Variants in SEC24D observed in about 807,000 individuals in gnomAD.
The protein encoded by SEC24D is protein transport protein Sec24D.
SEC24D carries 69 observed loss-of-function variants against 116.9 expected under a neutral mutation model. The ratio of observed to expected loss-of-function variants is 0.59; its 90% CI spans 0.49 to 0.72. SEC24D has a LOEUF of 0.72. SEC24D is among the 30% of genes least tolerant of loss of function. The pLI is 0.00. For missense variants in SEC24D, 1,131 were observed against 1,264.1 expected (o/e 0.89, Z 1.60); for synonymous variants, 405 against 442.8 (o/e 0.91, Z 1.07).
At chr4:118,805,595 A>G (rs1003062074) in intron 7 of SEC24D, among the ~76,000 whole-genome samples, 1 of 152,210 alleles carries the variant, frequency 6.6e-6, no homozygotes, top group Non-Finnish European at 1.5e-5. Context: ...ATAAATTAAA[A>G]TAAATAATTG....
chr4:118,792,131 G>T (rs1045858483), intron 8 of SEC24D, among the ~76,000 whole-genome samples: 1 of 150,874 alleles, frequency 6.6e-6, no homozygotes, highest in Non-Finnish European at 1.5e-5. Context: ...GCCTCTGCCC[G>T]GCCGCGACCC....
intron 2 of SEC24D, among the ~76,000 whole-genome samples, chr4:118,826,767 G>T (rs1182196829): frequency 6.6e-6 from 1 of 151,702 alleles, no homozygotes; most frequent in Non-Finnish European, 1.5e-5. Context: ...TATGCAAGCA[G>T]AACTTTATAC....
chr4:118,770,600 G>A (rs1355841326), intron 8 of SEC24D, among the ~76,000 whole-genome samples: 2 of 152,104 alleles, frequency 1.3e-5, no homozygotes, highest in East Asian at 1.9e-4. Flanking sequence ...AAAGTCCAAA[G>A]GCTGTAACAA....
intron 19 of SEC24D, chr4:118,733,161 C>G: frequency 3.2e-6 from 1 of 316,774 alleles, no homozygotes. Context: ...ACTACCCACT[C>G]ACTGCTTAGG....
In SEC24D at chr4:118,805,887, T is replaced by C; in HGVS notation, c.869A>G (p.Gln290Arg). Residue 290 changes from glutamine to arginine, a missense_variant, in exon 7 of 23, where the codon CAG becomes CGG. Transcript: ENST00000280551. ...GQVYATNTRG[Q>R]IPPLVTTDCM... The stretch of plus-strand genomic sequence containing the variant: ...ATCTGTAGTGACCAGGGGAGGGATC[T>C]GGCCTCTGGTGTTGGTGGCATAAAC... 1 of 1,596,080 alleles carries C rather than the reference T, an allele frequency of 6.3e-7. No individual in the cohort carries two copies.
intron 8 of SEC24D, among the ~76,000 whole-genome samples, chr4:118,770,333 A>AG (rs1255908204): frequency 1.3e-5 from 2 of 152,218 alleles, no homozygotes; most frequent in Non-Finnish European, 1.5e-5. Flanking sequence ...AAAAGCATGC[A>AG]GGTACAAAAA....
chr4:118,755,687 G>A (rs1322243720), intron 11 of SEC24D, among the ~76,000 whole-genome samples: 1 of 152,028 alleles, frequency 6.6e-6, no homozygotes, highest in Non-Finnish European at 1.5e-5. Flanking sequence ...ACTTCAGACT[G>A]TGCTTTTTAA....
chr4:118,731,308 ATACT>A lies in SEC24D; in HGVS notation c.2868+4_2868+7del, dbSNP rs1725672282. Reference sequence around the variant, plus strand: ...TATTACCACAAAAGCAATGAAAATAATACTTACCATATCTGTGTTGATATGTGCA... The same window carrying A: ...TATTACCACAAAAGCAATGAAAATAATACCATATCTGTGTTGATATGTGCA... On this transcript the variant is annotated splice_donor_5th_base_variant and intron_variant, in intron 21 of 22. Transcript: ENST00000280551. The A allele has an allele frequency of 6.2e-7, 1 of 1,606,032 alleles. No homozygotes were observed. The highest frequency in any genetic ancestry group is 8.5e-7 in the Non-Finnish European group (1 of 1,172,590).
At chr4:118,745,082 A>T in intron 13 of SEC24D, 22 bp from the exon 14 acceptor site, 2 of 1,366,364 alleles carry the variant, frequency 1.5e-6, no homozygotes, top group Non-Finnish European at 2.0e-6. Context: ...AAAAAACCCA[A>T]AAACCCACAG....
intron 6 of SEC24D, 81 bp from the exon 7 acceptor site, chr4:118,806,035 C>T: frequency 1.2e-6 from 1 of 823,692 alleles, no homozygotes; most frequent in Admixed American, 2.5e-5. Context: ...CCCTTGCTCT[C>T]TCCTCCCTCC....
intron 9 of SEC24D, chr4:118,766,854 G>A (rs1431364873): frequency 1.3e-5 from 2 of 152,184 alleles, no homozygotes; most frequent in Non-Finnish European, 2.9e-5. Flanking sequence ...TTGTCACAGG[G>A]TTCCTGAAAT....
chr4:118,734,932 T>C (rs904939189), intron 19 of SEC24D, among the ~76,000 whole-genome samples: 1 of 152,234 alleles, frequency 6.6e-6, no homozygotes, highest in Non-Finnish European at 1.5e-5. Flanking sequence ...CGATGCTATT[T>C]CTGGTCTAGT....
At chr4:118,789,217 C>A (rs1406311307) in intron 8 of SEC24D, among the ~76,000 whole-genome samples, 1 of 152,208 alleles carries the variant, frequency 6.6e-6, no homozygotes, top group Non-Finnish European at 1.5e-5. Flanking sequence ...TGGGATTACA[C>A]CTATTACATA....
At chr4:118,726,726 C>A (rs1188115696) in intron 22 of SEC24D, among the ~76,000 whole-genome samples, 2 of 152,140 alleles carry the variant, frequency 1.3e-5, no homozygotes, top group Non-Finnish European at 2.9e-5. Context: ...ACTAGAATTT[C>A]TCAGGAAGGC....
chr4:118,742,786 A>G (rs567814171), intron 15 of SEC24D, among the ~76,000 whole-genome samples: 1 of 152,104 alleles, frequency 6.6e-6, no homozygotes, highest in Admixed American at 6.5e-5. Flanking sequence ...TTAGAGGTAC[A>G]CCCCTGACCC....
chr4:118,738,439 T>A, intron 18 of SEC24D, 60 bp from the exon 19 acceptor site: 13 of 1,124,140 alleles, frequency 1.2e-5, no homozygotes, highest in Admixed American at 1.1e-4. Context: ...TCTCTTCAAA[T>A]AATCAAACAA....
intron 11 of SEC24D, 77 bp downstream of exon 11, chr4:118,757,644 T>C: frequency 7.2e-7 from 1 of 1,389,482 alleles, no homozygotes; most frequent in South Asian, 1.3e-5. Flanking sequence ...CAATTGGTCA[T>C]TCAGCACTTA....
chr4:118,756,291 C>A (rs77477562), intron 11 of SEC24D, among the ~76,000 whole-genome samples: 2 of 152,110 alleles, frequency 1.3e-5, no homozygotes, highest in African/African-American at 4.8e-5. Flanking sequence ...AAACTACAGT[C>A]ACAAACACAT....
chr4:118,776,319 G>C (rs115135093), intron 8 of SEC24D, among the ~76,000 whole-genome samples: 3,641 of 152,240 alleles, frequency 0.024, 60 homozygotes, highest in Middle Eastern at 0.051. Context: ...TTTAAAGCAA[G>C]CACAGCTGTG....
Sources: gnomAD v4.1 joint callset for allele counts (sites outside exome capture counted in the v4.1 genomes callset) on GRCh38, gnomAD v4.1.1 for gene constraint, MANE v1.5 for transcripts, NCBI Gene and HGNC (gene_info 2026-07-23, HGNC 2026-07-21) for gene names.